Variants in BIRC2 observed in about 807,000 individuals in gnomAD.
BIRC2 encodes the protein baculoviral IAP repeat-containing protein 2.
BIRC2 carries 18 observed loss-of-function variants against 60.9 expected under a neutral mutation model. The ratio of observed to expected loss-of-function variants is 0.30; its 90% CI spans 0.20 to 0.44. BIRC2 has a LOEUF of 0.44. Ranked by LOEUF, BIRC2 falls within the 20% of genes least tolerant of loss-of-function variation. The pLI is 1.00. For missense variants in BIRC2, 701 were observed against 728.5 expected, an observed-to-expected ratio of 0.96 and a Z score of 0.43; for synonymous variants, 282 against 247.7, an observed-to-expected ratio of 1.14 and a Z score of -1.30.
chr11:102,350,790 A>G, intron 2 of BIRC2, 41 bp downstream of exon 2: 2 of 1,601,084 alleles, frequency 1.2e-6, no homozygotes, highest in East Asian at 2.2e-5. Flanking sequence ...TTTTATTTTA[A>G]TTTACATATT....
intron 5 of BIRC2, among the ~76,000 whole-genome samples, chr11:102,368,085 CAG>C (rs1166846337): frequency 1.3e-5 from 2 of 152,078 alleles, no homozygotes; most frequent in Non-Finnish European, 2.9e-5. Flanking sequence ...AGGATGTAGC[CAG>C]AGAGGTGGGT....
intron 6 of BIRC2, among the ~76,000 whole-genome samples, chr11:102,374,507 A>C (rs1381241730): frequency 6.6e-6 from 1 of 150,432 alleles, no homozygotes; most frequent in South Asian, 2.1e-4. Flanking sequence ...GACCCACTTG[A>C]GGAGGCAGTC....
rs780738169 is a variant in BIRC2 at position 102,350,955 on chromosome 11, G to C, written c.995+12G>C. Reference sequence around the variant, plus strand: ...AAGTGGTTTCCAAGGTAATTGTTTTGAAAAAGGTATTTGTACAAAAAACTC... The same window carrying C: ...AAGTGGTTTCCAAGGTAATTGTTTTCAAAAAGGTATTTGTACAAAAAACTC... On this transcript the variant is annotated intron_variant, in intron 3 of 8. Transcript: ENST00000227758. 7 of 1,608,316 alleles carry C rather than the reference G, an allele frequency of 4.4e-6. No individual in the cohort carries two copies. In the South Asian group the frequency reaches 7.8e-5, roughly 18 times the overall value.
chr11:102,361,737 C>T (rs942482119), intron 3 of BIRC2, among the ~76,000 whole-genome samples: 2 of 152,168 alleles, frequency 1.3e-5, no homozygotes, highest in African/African-American at 4.8e-5. Context: ...ATGGCACTCA[C>T]CACATGACTG....
At position 102,350,335 on chromosome 11, in the gene BIRC2, C is replaced by A. The variant is rs202103808; in HGVS notation, c.481C>A (p.Leu161Ile). Reference protein sequence around the residue: ...GSYSSLSPNPLNSRAVEDISS... With the variant: ...GSYSSLSPNPINSRAVEDISS... Reference sequence around the variant, plus strand: ...TTACTCCAGCCTTTCTCCAAACCCTCTTAATTCTAGAGCAGTTGAAGACAT... The same window carrying A: ...TTACTCCAGCCTTTCTCCAAACCCTATTAATTCTAGAGCAGTTGAAGACAT... The change falls in exon 2 of 9, where the codon CTT becomes ATT. Residue 161 changes from leucine (L) to isoleucine (I), a missense_variant. This residue lies in a region of BIRC2 where 375 missense variants were observed against 365.9 expected (regional missense o/e 1.02). Transcript: ENST00000227758. 1 of 1,614,238 alleles carries A rather than the reference C, an allele frequency of 6.2e-7. No individual in the cohort carries two copies. Among genetic ancestry groups the A allele is most frequent in the Non-Finnish European group, 8.5e-7 (1 of 1,180,040 alleles).
At position 102,349,198 on chromosome 11, in the gene BIRC2, G is replaced by T. The variant is rs968108663; in HGVS notation, c.-657G>T. On this transcript the variant is annotated 5_prime_UTR_variant, in exon 2 of 9. Coordinates refer to ENST00000227758, the MANE Select transcript of BIRC2 (RefSeq NM_001166.5). Reference sequence around the variant, plus strand: ...CAGGCACAGGTTCAACAAAGCTTGTGGGTATTGACTTCCCCCAAAAGTTGT... The same window carrying T: ...CAGGCACAGGTTCAACAAAGCTTGTTGGTATTGACTTCCCCCAAAAGTTGT... The T allele has an allele frequency of 6.6e-6, 1 of 151,840 alleles. No individual in the cohort carries two copies. The highest frequency in any genetic ancestry group is 1.5e-5 in the Non-Finnish European group (1 of 67,836). The allele number at this position is 151,840 out of a possible 1,614,324, so 9.4% of individuals were successfully genotyped here.
intron 6 of BIRC2, among the ~76,000 whole-genome samples, chr11:102,375,225 C>T (rs1951695907): frequency 6.6e-6 from 1 of 152,192 alleles, no homozygotes; most frequent in Admixed American, 6.5e-5. Context: ...GCATGAGCAC[C>T]AGTGCCAAAT....
Position 102,350,911 on chromosome 11 carries a change from T to C in BIRC2, c.963T>C (p.Asp321=). ...GGLRCWESGD[D]PWVEHAKWFP... ...TGAGGTGTTGGGAATCTGGAGATGA[T>C]CCATGGGTAGAACATGCCAAGTGGT... The change falls in exon 3 of 9, where the codon GAT becomes GAC. Residue 321 remains aspartate, a synonymous_variant. Transcript: ENST00000227758. The C allele has an allele frequency of 6.2e-7, 1 of 1,614,116 alleles. No individual in the cohort carries two copies. The highest frequency in any genetic ancestry group is 8.5e-7 in the Non-Finnish European group (1 of 1,179,980).
rs756503527 is a variant in BIRC2, at chr11:102,349,245, C to G, written c.-610C>G. The G allele has an allele frequency of 6.6e-6, 1 of 152,332 alleles. No individual in the cohort carries two copies. Among genetic ancestry groups the G allele is most frequent in the African/African-American group, 2.4e-5 (1 of 41,450 alleles). 9.4% of individuals were successfully genotyped at this position (152,332 alleles called of 1,614,324 possible). A position where few individuals can be genotyped will look rare whatever the true frequency, so the allele number is the denominator to read the frequency against. On this transcript the variant is annotated 5_prime_UTR_variant, in exon 2 of 9. Coordinates refer to ENST00000227758, the MANE Select transcript of BIRC2 (RefSeq NM_001166.5). ...TTGTCAGCTGAAGTAATTTAGCCCA[C>G]TTAAGTAAATACTATGATGATAAGC...
intron 6 of BIRC2, 54 bp downstream of exon 6, chr11:102,368,602 G>A: frequency 1.3e-6 from 2 of 1,581,038 alleles, no homozygotes; most frequent in Non-Finnish European, 1.7e-6. Context: ...TCTTAGGACT[G>A]TCTCACATGT....
chr11:102,369,121 A>C (rs1951590296), intron 6 of BIRC2, among the ~76,000 whole-genome samples: 1 of 151,148 alleles, frequency 6.6e-6, no homozygotes, highest in South Asian at 2.1e-4. Flanking sequence ...AAGTATTTTG[A>C]GTAATCATTT....
intron 5 of BIRC2, among the ~76,000 whole-genome samples, chr11:102,367,021 T>C (rs143499618): frequency 2.0e-5 from 3 of 152,342 alleles, no homozygotes; most frequent in East Asian, 3.9e-4. Flanking sequence ...CTTTGAGATA[T>C]TTCCATAGCT....
chr11:102,377,436 T>C, intron 6 of BIRC2, 60 bp from the exon 7 acceptor site: 1 of 1,470,548 alleles, frequency 6.8e-7, no homozygotes, highest in Non-Finnish European at 9.2e-7. Flanking sequence ...TTAGTGACTA[T>C]ATGAGTATAG....
chr11:102,372,297 A>T (rs1241546983), intron 6 of BIRC2, among the ~76,000 whole-genome samples: 1 of 152,060 alleles, frequency 6.6e-6, no homozygotes, highest in Admixed American at 6.5e-5. Context: ...CTTTCTCTTG[A>T]GGGCATTTAA....
intron 4 of BIRC2, 92 bp downstream of exon 4, chr11:102,363,066 C>A: frequency 1.0e-6 from 1 of 987,042 alleles, no homozygotes; most frequent in Non-Finnish European, 1.5e-6. Flanking sequence ...ATGATTTTTG[C>A]CATTGAAAGT....
At chr11:102,357,563 T>G (rs1486157438) in intron 3 of BIRC2, among the ~76,000 whole-genome samples, 3 of 152,182 alleles carry the variant, frequency 2.0e-5, no homozygotes, top group Non-Finnish European at 4.4e-5. Flanking sequence ...TCTTCTAGGT[T>G]ATACAGTTTT....
chr11:102,349,610 A>G lies in BIRC2; in HGVS notation c.-245A>G. The G allele has an allele frequency of 2.7e-6, 1 of 371,184 alleles. No individual in the cohort carries two copies. The highest frequency in any genetic ancestry group is 7.0e-5 in the South Asian group (1 of 14,266). The allele number at this position is 371,184 out of a possible 1,614,324, so 23.0% of individuals were successfully genotyped here. The stretch of plus-strand genomic sequence containing the variant: ...TTAGTATTACTCAAGATTATGAACA[A>G]ATAGCACTTAGGTTACCTGAAAGAG... On this transcript the variant is annotated 5_prime_UTR_variant, in exon 2 of 9. Transcript: ENST00000227758.
chr11:102,369,183 C>A (rs1375294961), intron 6 of BIRC2, among the ~76,000 whole-genome samples: 3 of 148,424 alleles, frequency 2.0e-5, no homozygotes, highest in East Asian at 3.9e-4. Flanking sequence ...TTTAATTATA[C>A]TTTAAGTTTT....
At chr11:102,366,242 G>A (rs1378541319) in intron 5 of BIRC2, among the ~76,000 whole-genome samples, 1 of 152,256 alleles carries the variant, frequency 6.6e-6, no homozygotes, top group East Asian at 1.9e-4. Context: ...ATTAAAAGTT[G>A]GCTCAAGTTA....
Sources: gnomAD v4.1 joint callset for allele counts (sites outside exome capture counted in the v4.1 genomes callset) on GRCh38, gnomAD v4.1.1 for gene constraint, gnomAD v4.1.1 regional missense constraint, MANE v1.5 for transcripts, NCBI Gene and HGNC (gene_info 2026-07-23, HGNC 2026-07-21) for gene names.